The following EYS variants were observed in gnomAD, a reference collection of about 807,000 sequenced individuals.
EYS encodes the protein protein eyes shut homolog.
A neutral mutation model predicts 282.1 loss-of-function variants in EYS; 250 were observed. The observed-to-expected ratio is 0.89, with a 90% CI of 0.80 to 0.98. EYS has a LOEUF of 0.98. Among genes scored for constraint, EYS ranks in the 50% least tolerant of loss-of-function variants. The pLI is 0.00. For missense variants in EYS, 4,016 were observed against 3,709.0 expected (o/e 1.08, Z -2.15); for synonymous variants, 1,355 against 1,282.9 (o/e 1.06, Z -1.20).
intron 30 of EYS, among the ~76,000 whole-genome samples, chr6:64,270,597 A>G (rs181804955): frequency 1.5e-3 from 231 of 152,322 alleles, no homozygotes; most frequent in Non-Finnish European, 2.5e-3. Context: ...GATATTGAAA[A>G]ACCAAGTGAC....
At chr6:64,328,285 C>T (rs372813224) in intron 29 of EYS, among the ~76,000 whole-genome samples, 11 of 152,286 alleles carry the variant, frequency 7.2e-5, no homozygotes, top group African/African-American at 2.6e-4. Flanking sequence ...GAGAACAATG[C>T]ACCTGCAGGT....
intron 35 of EYS, among the ~76,000 whole-genome samples, chr6:63,942,110 A>C (rs755167033): frequency 1.3e-5 from 2 of 152,202 alleles, no homozygotes; most frequent in Non-Finnish European, 2.9e-5. Flanking sequence ...GGGGGTTATA[A>C]GGATCTTTAA....
At chr6:64,475,528 GC>G (rs1776234078) in intron 26 of EYS, among the ~76,000 whole-genome samples, 1 of 63,264 alleles carries the variant, frequency 1.6e-5, no homozygotes, top group Non-Finnish European at 3.5e-5. Context: ...TCCAGCCTGG[GC>G]GACAGAGCGA....
At chr6:63,932,347 C>T (rs542757784) in intron 35 of EYS, among the ~76,000 whole-genome samples, 3 of 152,278 alleles carry the variant, frequency 2.0e-5, no homozygotes, top group South Asian at 4.1e-4. Flanking sequence ...TTCTACTGAA[C>T]ATTAGCAGCT....
chr6:64,583,233 T>C (rs1356686710), intron 26 of EYS, among the ~76,000 whole-genome samples: 1 of 152,080 alleles, frequency 6.6e-6, no homozygotes, highest in Non-Finnish European at 1.5e-5. Flanking sequence ...ACTTTTTCCT[T>C]ATTTGTTGGT....
intron 19 of EYS, among the ~76,000 whole-genome samples, chr6:64,828,875 G>A (rs1163432863): frequency 6.6e-6 from 1 of 151,956 alleles, no homozygotes; most frequent in East Asian, 1.9e-4. Flanking sequence ...GTTCATGGAT[G>A]GGTTGACTTG....
intron 36 of EYS, among the ~76,000 whole-genome samples, chr6:63,862,886 A>C: frequency 6.6e-6 from 1 of 152,220 alleles, no homozygotes; most frequent in Admixed American, 6.5e-5. Flanking sequence ...CTCTTAAGTC[A>C]TTCTGTCTTT....
At chr6:64,985,141 A>T (rs1409570498) in intron 14 of EYS, among the ~76,000 whole-genome samples, 7 of 151,512 alleles carry the variant, frequency 4.6e-5, no homozygotes, top group Non-Finnish European at 1.0e-4. Flanking sequence ...ATGCAATCAC[A>T]TGTCATCCCT....
chr6:64,907,007 C>T (rs57637555), intron 16 of EYS, among the ~76,000 whole-genome samples: 6 of 151,948 alleles, frequency 3.9e-5, no homozygotes, highest in Admixed American at 6.6e-5. Context: ...TATTTGAAGT[C>T]GTCTTTACCT....
At chr6:64,452,555 A>T (rs1775393567) in intron 26 of EYS, among the ~76,000 whole-genome samples, 1 of 152,168 alleles carries the variant, frequency 6.6e-6, no homozygotes, top group Non-Finnish European at 1.5e-5. Context: ...TGCCAAGTCA[A>T]TCCTAAGCCA....
At chr6:65,326,253 TA>T (rs1275020059) in intron 11 of EYS, among the ~76,000 whole-genome samples, 1 of 151,974 alleles carries the variant, frequency 6.6e-6, no homozygotes, top group Non-Finnish European at 1.5e-5. Flanking sequence ...CTCCTCATTT[TA>T]AGATATACAA....
intron 12 of EYS, among the ~76,000 whole-genome samples, chr6:65,172,915 T>C (rs55880179): frequency 0.23 from 35,010 of 150,698 alleles, 4,237 homozygotes; most frequent in African/African-American, 0.26. Flanking sequence ...GAACCCAGTG[T>C]GGTCAAGGGA....
At position 64,996,773 on chromosome 6, in the gene EYS, CA is replaced by C. The variant is rs1299695117; in HGVS notation, c.2259+808del. Among the ~76,000 whole-genome samples the C allele has an allele frequency of 3.3e-5, 5 of 152,302 alleles. 1 individual carries two copies. Among genetic ancestry groups the C allele is most frequent in the African/African-American group, 1.2e-4 (5 of 41,580 alleles). ...AAAACAATGTCAGTGCACTGACAGT[CA>C]AAATATGTGGTGGCTGAAACCATAT... is the stretch of plus-strand genomic sequence containing the variant. On this transcript the variant is annotated intron_variant, in intron 14 of 42. Transcript: ENST00000503581.
chr6:65,605,389 T>C (rs1765750428), intron 2 of EYS, among the ~76,000 whole-genome samples: 1 of 151,890 alleles, frequency 6.6e-6, no homozygotes, highest in African/African-American at 2.4e-5. Flanking sequence ...AAGAAGAAAA[T>C]AAATTATAAT....
At chr6:65,087,253 C>G (rs1774409163) in intron 12 of EYS, among the ~76,000 whole-genome samples, 1 of 152,086 alleles carries the variant, frequency 6.6e-6, no homozygotes, top group East Asian at 1.9e-4. Context: ...ATATTTCTCC[C>G]TTTTCATTAT....
At chr6:64,301,899 G>C (rs1330184453) in intron 30 of EYS, among the ~76,000 whole-genome samples, 1 of 152,156 alleles carries the variant, frequency 6.6e-6, no homozygotes, top group Non-Finnish European at 1.5e-5. Context: ...TCAAAAAGCT[G>C]AGGTTGGGGC....
intron 31 of EYS, among the ~76,000 whole-genome samples, chr6:64,154,331 T>C (rs1169502479): frequency 1.3e-5 from 2 of 151,512 alleles, no homozygotes; most frequent in African/African-American, 4.9e-5. Flanking sequence ...TCCCAGCTAC[T>C]TGGGAGGCTG....
chr6:64,367,982 G>C (rs1045745024), intron 29 of EYS, among the ~76,000 whole-genome samples: 1 of 152,082 alleles, frequency 6.6e-6, no homozygotes, highest in Non-Finnish European at 1.5e-5. Flanking sequence ...ACATATACAT[G>C]TTTGTTATAT....
At chr6:64,257,403 A>G (rs1188914979) in intron 30 of EYS, among the ~76,000 whole-genome samples, 3 of 151,920 alleles carry the variant, frequency 2.0e-5, no homozygotes, top group Non-Finnish European at 4.4e-5. Flanking sequence ...TACCATTTTA[A>G]TCTATTTATC....
Sources: gnomAD v4.1 joint callset for allele counts (sites outside exome capture counted in the v4.1 genomes callset) on GRCh38, gnomAD v4.1.1 for gene constraint, MANE v1.5 for transcripts, NCBI Gene and HGNC (gene_info 2026-07-23, HGNC 2026-07-21) for gene names.